Variants in SLC9B1 observed in about 807,000 individuals in gnomAD.
The protein encoded by SLC9B1 is sodium/hydrogen exchanger 9B1.
In SLC9B1, 32 loss-of-function variants were observed where a neutral mutation model predicts 51.7. That is an observed-to-expected ratio of 0.62 (90% CI 0.47 to 0.83). The LOEUF (loss-of-function observed/expected upper bound fraction) is 0.83, where lower values mean the gene tolerates loss of function less well. Among genes scored for constraint, SLC9B1 ranks in the 40% least tolerant of loss-of-function variants. SLC9B1 has a pLI of 0.00. For missense variants in SLC9B1, 406 were observed against 613.2 expected (o/e 0.66, Z 3.57); for synonymous variants, 145 against 212.7 (o/e 0.68, Z 2.77).
chr4:102,961,737 T>C (rs1738140428), intron 3 of SLC9B1, among the ~76,000 whole-genome samples: 1 of 152,262 alleles, frequency 6.6e-6, no homozygotes, highest in Non-Finnish European at 1.5e-5. Flanking sequence ...TAAAATTTAT[T>C]GTACTTTAAG....
intron 7 of SLC9B1, among the ~76,000 whole-genome samples, chr4:102,917,510 C>A (rs1735643344): frequency 6.8e-6 from 1 of 146,256 alleles, no homozygotes; most frequent in East Asian, 2.0e-4. Flanking sequence ...TGGTTCTGAC[C>A]CTCTGGAGAA....
chr4:102,979,798 G>A (rs371347585), intron 3 of SLC9B1, among the ~76,000 whole-genome samples: 10 of 152,006 alleles, frequency 6.6e-5, no homozygotes, highest in East Asian at 1.9e-4. Flanking sequence ...AAAAATCCCC[G>A]CTCTCTACAA....
At chr4:102,974,242 G>GCAAAA (rs1738926529) in intron 3 of SLC9B1, among the ~76,000 whole-genome samples, 3 of 53,460 alleles carry the variant, frequency 5.6e-5, no homozygotes, top group Admixed American at 6.0e-4. Context: ...GTCTAAAATT[G>GCAAAA]AAAAAAAAAA....
rs1303032852 is a variant in SLC9B1 at position 102,955,841 on chromosome 4, GAGAGAAAGAA to G, written c.212-6424_212-6415del. Among the ~76,000 whole-genome samples the G allele has an allele frequency of 5.1e-4, 70 of 138,552 alleles. 1 individual carries two copies. The highest frequency in any genetic ancestry group is 2.9e-3 in the Admixed American group (39 of 13,314). 90.9% of individuals were successfully genotyped at this position (138,552 alleles called of 152,430 possible). A position where few individuals can be genotyped will look rare whatever the true frequency, so the allele number is the denominator to read the frequency against. ...AAACAAAGTGGAAGAAAGAAAGAGA[GAGAGAAAGAA>G]AGAAAGAAAGAAAGAAAGAAAGAAA... is the stretch of plus-strand genomic sequence containing the variant. On this transcript the variant is annotated intron_variant, in intron 3 of 11. Coordinates refer to ENST00000296422, the MANE Select transcript of SLC9B1 (RefSeq NM_139173.4).
rs556533445 is a variant in SLC9B1, at chr4:102,926,671, C to T, written c.829+5453G>A. Among the ~76,000 whole-genome samples the T allele has an allele frequency of 5.3e-5, 8 of 152,256 alleles. No homozygotes were observed. In the South Asian group the frequency reaches 1.7e-3, roughly 32 times the overall value. On this transcript the variant is annotated intron_variant, in intron 7 of 11. Coordinates refer to ENST00000296422, the MANE Select transcript of SLC9B1 (RefSeq NM_139173.4). Reference sequence around the variant, plus strand: ...CAATATCATGGAAATGGCCATACTGCCCGAAGTAATTTATAGATTCAATAC... The same window carrying T: ...CAATATCATGGAAATGGCCATACTGTCCGAAGTAATTTATAGATTCAATAC...
At chr4:102,933,952 G>A (rs1736588516) in intron 6 of SLC9B1, among the ~76,000 whole-genome samples, 1 of 152,194 alleles carries the variant, frequency 6.6e-6, no homozygotes, top group Non-Finnish European at 1.5e-5. Context: ...TGTGTTTTTA[G>A]TAGATACGGT....
chr4:102,977,606 A>C (rs1739142614), intron 3 of SLC9B1, among the ~76,000 whole-genome samples: 1 of 152,088 alleles, frequency 6.6e-6, no homozygotes, highest in Admixed American at 6.6e-5. Context: ...CGTTTTTGGG[A>C]ATACTTTAAT....
rs561531184 is a variant in SLC9B1 at position 102,930,637 on chromosome 4, G to C, written c.829+1487C>G. Among the ~76,000 whole-genome samples, 208 of 152,084 alleles carry C rather than the reference G, an allele frequency of 1.4e-3. No individual in the cohort carries two copies. In the Middle Eastern group the frequency reaches 0.017, roughly 12 times the overall value. On this transcript the variant is annotated intron_variant, in intron 7 of 11. Transcript: ENST00000296422. ...TTGGCCAGGCTGGTCTTGAACTCCTGATCTCAAGTGATCCACCCTTCTTGG... is the reference window on the plus strand; with the variant it reads ...TTGGCCAGGCTGGTCTTGAACTCCTCATCTCAAGTGATCCACCCTTCTTGG...
intron 6 of SLC9B1, among the ~76,000 whole-genome samples, chr4:102,936,147 G>A (rs1389871276): frequency 3.3e-5 from 5 of 152,180 alleles, no homozygotes; most frequent in Non-Finnish European, 7.3e-5. Flanking sequence ...GGAGTGCTGA[G>A]CTGAGCCTTT....
chr4:102,934,413 T>A (rs183275228), intron 6 of SLC9B1, among the ~76,000 whole-genome samples: 1 of 152,176 alleles, frequency 6.6e-6, no homozygotes, highest in Non-Finnish European at 1.5e-5. Context: ...CTTTCATAAA[T>A]GGTGTTGAGA....
intron 3 of SLC9B1, among the ~76,000 whole-genome samples, chr4:102,975,582 A>ATTTTTTTTT (rs1361023040): frequency 4.8e-4 from 35 of 73,506 alleles, no homozygotes; most frequent in African/African-American, 1.7e-3. Context: ...ATATATATAT[A>ATTTTTTTTT]TATATTTTTT....
At chr4:102,915,513 A>G (rs1247398397) in intron 7 of SLC9B1, among the ~76,000 whole-genome samples, 2 of 152,144 alleles carry the variant, frequency 1.3e-5, no homozygotes, top group South Asian at 2.1e-4. Flanking sequence ...TCCCACCTCA[A>G]CCTCCCAAGT....
At chr4:102,943,353 T>C (rs1215272140) in intron 6 of SLC9B1, among the ~76,000 whole-genome samples, 1 of 152,066 alleles carries the variant, frequency 6.6e-6, no homozygotes, top group South Asian at 2.1e-4. Flanking sequence ...AAAGAAGTCA[T>C]TATATGAAAA....
chr4:102,932,092 T>C, intron 7 of SLC9B1, 32 bp downstream of exon 7: 2 of 1,605,018 alleles, frequency 1.2e-6, no homozygotes, highest in Non-Finnish European at 8.5e-7. Flanking sequence ...AGGTCATGAA[T>C]GATCTAGTGG....
Position 102,989,902 on chromosome 4 carries a change from T to C in SLC9B1, c.109A>G (p.Lys37Glu). 6.3e-7 allele frequency: 1 copy of C among 1,597,632 alleles called. No individual in the cohort carries two copies. Among genetic ancestry groups the C allele is most frequent in the Non-Finnish European group, 8.6e-7 (1 of 1,167,920 alleles). ...DPNNTAQEETKTVLSDTEEIK... is the reference protein window; with the variant it reads ...DPNNTAQEETETVLSDTEEIK... ...TCTTCTGTATCTGATAAGACAGTTT[T>C]AGTTTCTTCCTGTGCAGTATTATTA... The change falls in exon 3 of 12, where the codon AAA (lysine) becomes GAA (glutamate). Residue 37 changes from lysine (K) to glutamate (E), a missense_variant. Lys to Glu is a moderately conservative substitution (Grantham distance 56, BLOSUM62 1). Around this residue, in one of 6 missense-constraint regions of SLC9B1, gnomAD observed 108 missense variants for 94.5 expected, o/e 1.14. Transcript: ENST00000296422.
intron 3 of SLC9B1, among the ~76,000 whole-genome samples, chr4:102,971,184 C>A (rs575675995): frequency 3.3e-5 from 5 of 152,310 alleles, no homozygotes; most frequent in African/African-American, 7.2e-5. Context: ...ACAGAATGTA[C>A]ATTCTTCTCA....
downstream of SLC9B1, among the ~76,000 whole-genome samples, chr4:102,900,404 G>T (rs1406562910): frequency 6.6e-4 from 101 of 152,312 alleles, 1 homozygote; most frequent in Middle Eastern, 3.4e-3. Context: ...TTTGGAGGCT[G>T]CCTTTTATGC....
chr4:102,950,257 T>C (rs1304223274), intron 3 of SLC9B1, among the ~76,000 whole-genome samples: 1 of 152,064 alleles, frequency 6.6e-6, no homozygotes, highest in African/African-American at 2.4e-5. Flanking sequence ...TTAGAGGAGG[T>C]AATGGCTGGA....
At chr4:102,914,287 C>T (rs1467962505) in intron 7 of SLC9B1, among the ~76,000 whole-genome samples, 1 of 146,164 alleles carries the variant, frequency 6.8e-6, no homozygotes, top group South Asian at 2.2e-4. Flanking sequence ...TTAGGTTTTA[C>T]AATAGTGATG....
Sources: gnomAD v4.1 joint callset for allele counts (sites outside exome capture counted in the v4.1 genomes callset) on GRCh38, gnomAD v4.1.1 for gene constraint, gnomAD v4.1.1 regional missense constraint, MANE v1.5 for transcripts, NCBI Gene and HGNC (gene_info 2026-07-23, HGNC 2026-07-21) for gene names.